The following CTNNBL1 variants were observed in gnomAD, a reference collection of about 807,000 sequenced individuals.
CTNNBL1 encodes catenin beta like 1.
CTNNBL1 carries 31 observed loss-of-function variants against 72.7 expected under a neutral mutation model. The observed-to-expected ratio is 0.43, with a 90% confidence interval of 0.32 to 0.58. CTNNBL1 has a LOEUF of 0.58. Ranked by LOEUF, CTNNBL1 falls within the 20% of genes least tolerant of loss-of-function variation. The pLI, the probability that CTNNBL1 is intolerant of heterozygous loss-of-function variation, is 0.08. For synonymous variants in CTNNBL1, 240 were observed against 267.3 expected (o/e 0.90, Z 1.00); for missense variants, 534 against 725.1 (o/e 0.74, Z 3.03).
intron 4 of CTNNBL1, among the ~76,000 whole-genome samples, chr20:37,754,448 C>T (rs1349656716): frequency 6.6e-6 from 1 of 152,010 alleles, no homozygotes; most frequent in Admixed American, 6.6e-5. Flanking sequence ...TCTGACTCCA[C>T]AGTGGGTGGA....
rs755743212 is a variant in CTNNBL1, at chr20:37,746,654, A to C, written c.466+47A>C. 3.1e-6 allele frequency: 5 copies of C among 1,609,940 alleles called. No homozygotes were observed. In the South Asian group the frequency reaches 5.5e-5, roughly 18 times the overall value. ...CAGTAGGAGAGCTGACATGGTGGGG[A>C]AGTGCTGTTACTCTTTCTCCTGTCT... is the stretch of plus-strand genomic sequence containing the variant. On this transcript the variant is annotated intron_variant, in intron 4 of 15. Coordinates refer to ENST00000361383, the MANE Select transcript of CTNNBL1 (RefSeq NM_030877.5).
At chr20:37,850,860 G>T (rs975413497) in intron 13 of CTNNBL1, among the ~76,000 whole-genome samples, 29 of 152,290 alleles carry the variant, frequency 1.9e-4, no homozygotes, top group African/African-American at 6.7e-4. Flanking sequence ...GGCAAGAGAG[G>T]TTCATGTTGG....
intron 11 of CTNNBL1, among the ~76,000 whole-genome samples, chr20:37,803,549 C>T (rs937894182): frequency 2.0e-5 from 3 of 152,316 alleles, no homozygotes; most frequent in East Asian, 1.9e-4. Context: ...TGAATTGTGA[C>T]GCTGTAACCA....
intron 1 of CTNNBL1, among the ~76,000 whole-genome samples, chr20:37,703,599 G>T (rs565157180): frequency 6.6e-6 from 1 of 152,056 alleles, no homozygotes; most frequent in East Asian, 1.9e-4. Context: ...TTAATGTTTC[G>T]TGTGTGTACT....
intron 3 of CTNNBL1, among the ~76,000 whole-genome samples, chr20:37,744,012 G>A (rs1350294820): frequency 6.6e-6 from 1 of 151,864 alleles, no homozygotes; most frequent in Non-Finnish European, 1.5e-5. Context: ...AAAGCACAAT[G>A]TACAAATTAA....
intron 11 of CTNNBL1, among the ~76,000 whole-genome samples, chr20:37,816,502 A>T (rs2072060447): frequency 6.6e-6 from 1 of 152,172 alleles, no homozygotes; most frequent in South Asian, 2.1e-4. Context: ...CAGTTTCCTC[A>T]CCTTTAAAAT....
intron 4 of CTNNBL1, among the ~76,000 whole-genome samples, chr20:37,754,282 CTT>C (rs369597087): frequency 1.7e-4 from 19 of 111,826 alleles, no homozygotes; most frequent in Admixed American, 2.8e-4. Context: ...TATTTATTTG[CTT>C]TTTTTTTTTT....
At chr20:37,724,919 T>C (rs1372623149) in intron 1 of CTNNBL1, among the ~76,000 whole-genome samples, 2 of 150,696 alleles carry the variant, frequency 1.3e-5, no homozygotes, top group African/African-American at 2.4e-5. Context: ...TTTTTTTTTT[T>C]TTTTTTTTTT....
Position 37,727,368 on chromosome 20 carries a change from C to CT in CTNNBL1, c.31-5510dup, listed in dbSNP as rs2073094039. On this transcript the variant is annotated intron_variant, in intron 1 of 15. Transcript: ENST00000361383. ...CAAGATTATTGGCGAGTAAAGGCAT[C>CT]TATCTATTATCGTGAAGCCTACTCT... is the stretch of plus-strand genomic sequence containing the variant. 3.1e-6 allele frequency: 3 copies of CT among 982,566 alleles called. No homozygotes were observed. The African/African-American group carries it at 5.2e-5, about 17-fold the overall frequency. The allele number at this position is 982,566 out of a possible 1,614,324, so 60.9% of individuals were successfully genotyped here. A position where few individuals can be genotyped will look rare whatever the true frequency, so the allele number is the denominator to read the frequency against.
At chr20:37,831,738 C>T (rs1213899377) in intron 11 of CTNNBL1, among the ~76,000 whole-genome samples, 7 of 152,112 alleles carry the variant, frequency 4.6e-5, no homozygotes, top group African/African-American at 7.2e-5. Flanking sequence ...TCATCACTGT[C>T]GTCTTAGTAC....
At chr20:37,702,571 G>A (rs2072853429) in intron 1 of CTNNBL1, among the ~76,000 whole-genome samples, 1 of 152,150 alleles carries the variant, frequency 6.6e-6, no homozygotes, top group African/African-American at 2.4e-5. Context: ...TGTTGGAAGT[G>A]TGACTCTAAC....
In CTNNBL1 at chr20:37,860,136, C is replaced by G. The variant is rs540202430; in HGVS notation, c.1530+100C>G. On this transcript the variant is annotated intron_variant, in intron 14 of 15. Coordinates refer to ENST00000361383, the MANE Select transcript of CTNNBL1 (RefSeq NM_030877.5). ...CTCAGGGAAAGAAGGGGGTCACGCTCTCCTTGAATTCCTTTACTCTACATC... is the reference window on the plus strand; with the variant it reads ...CTCAGGGAAAGAAGGGGGTCACGCTGTCCTTGAATTCCTTTACTCTACATC... 4.0e-6 allele frequency: 6 copies of G among 1,513,646 alleles called. No individual in the cohort carries two copies. The East Asian group carries it at 9.0e-5, about 23-fold the overall frequency. The allele number at this position is 1,513,646 out of a possible 1,614,324, so 93.8% of individuals were successfully genotyped here. A position where few individuals can be genotyped will look rare whatever the true frequency, so the allele number is the denominator to read the frequency against.
At chr20:37,858,522 G>A (rs1289371967) in intron 13 of CTNNBL1, among the ~76,000 whole-genome samples, 4 of 152,230 alleles carry the variant, frequency 2.6e-5, no homozygotes, top group Non-Finnish European at 5.9e-5. Flanking sequence ...GAATCCCAAG[G>A]GGGGAAGGCA....
At chr20:37,841,856 C>T (rs1349313259) in intron 12 of CTNNBL1, among the ~76,000 whole-genome samples, 2 of 152,038 alleles carry the variant, frequency 1.3e-5, no homozygotes, top group Non-Finnish European at 2.9e-5. Flanking sequence ...TCTCTTCTGA[C>T]TCAAAAGCAA....
At chr20:37,738,748 A>G (rs1458415659) in intron 3 of CTNNBL1, among the ~76,000 whole-genome samples, 1 of 152,234 alleles carries the variant, frequency 6.6e-6, no homozygotes, top group African/African-American at 2.4e-5. Context: ...GTGTCACAGA[A>G]AAGATAGTAG....
chr20:37,812,344 C>T (rs2072019487), intron 11 of CTNNBL1, among the ~76,000 whole-genome samples: 1 of 152,060 alleles, frequency 6.6e-6, no homozygotes, highest in South Asian at 2.1e-4. Context: ...GGATATAAAC[C>T]TCTTGCCTTT....
At chr20:37,770,711 CG>C (rs1164042521) in intron 7 of CTNNBL1, among the ~76,000 whole-genome samples, 1 of 152,122 alleles carries the variant, frequency 6.6e-6, no homozygotes, top group Non-Finnish European at 1.5e-5. Context: ...ATGTAATCCT[CG>C]GGGCACAAAT....
intron 10 of CTNNBL1, among the ~76,000 whole-genome samples, chr20:37,787,261 A>G (rs1213592303): frequency 1.3e-5 from 2 of 150,236 alleles, no homozygotes; most frequent in Non-Finnish European, 2.9e-5. Context: ...AGCTGAGATT[A>G]TAGGCACCTG....
intron 4 of CTNNBL1, among the ~76,000 whole-genome samples, chr20:37,747,471 A>G (rs1268202124): frequency 6.6e-6 from 1 of 151,300 alleles, no homozygotes; most frequent in Non-Finnish European, 1.5e-5. Flanking sequence ...CAGACAATCT[A>G]GGTTTGACTC....
Sources: allele counts gnomAD v4.1 joint callset (sites outside exome capture counted in the v4.1 genomes callset), GRCh38; gene constraint gnomAD v4.1.1; transcripts MANE v1.5; gene names NCBI Gene and HGNC (gene_info 2026-07-23, HGNC 2026-07-21).